PDE5A: variants seen among roughly 807,000 people sequenced by gnomAD.
PDE5A encodes cGMP-specific 3',5'-cyclic phosphodiesterase.
A neutral mutation model predicts 110.2 loss-of-function variants in PDE5A; 67 were observed. That is an observed-to-expected ratio of 0.61 (90% CI 0.50 to 0.75). The LOEUF is 0.75. Ranked by LOEUF, PDE5A falls within the 30% of genes least tolerant of loss-of-function variation. PDE5A has a pLI of 0.00. For missense variants in PDE5A, 862 were observed against 1,045.1 expected (o/e 0.82, Z 2.42); for synonymous variants, 328 against 351.2 (o/e 0.93, Z 0.74).
At chr4:119,620,643 G>C (rs1477929156) in intron 1 of PDE5A, among the ~76,000 whole-genome samples, 1 of 151,990 alleles carries the variant, frequency 6.6e-6, no homozygotes, top group Non-Finnish European at 1.5e-5. Context: ...TCTTTACTTT[G>C]TTCTATAAAA....
chr4:119,590,699 TTAATTA>T (rs1728935085), intron 3 of PDE5A, among the ~76,000 whole-genome samples: 1 of 152,204 alleles, frequency 6.6e-6, no homozygotes, highest in Non-Finnish European at 1.5e-5. Context: ...CCAAACATTT[TTAATTA>T]GTTGAAATAC....
In PDE5A at chr4:119,628,477, G is replaced by A. The variant is rs1165963386; in HGVS notation, c.152+43C>T. On this transcript the variant is annotated intron_variant, in intron 1 of 20. Transcript: ENST00000354960. Reference sequence around the variant, plus strand: ...TGAACGAAGGGCACAATTCAACAGGGGAGAGAAATCAGCCCCGGGTCTTCC... The same window carrying A: ...TGAACGAAGGGCACAATTCAACAGGAGAGAGAAATCAGCCCCGGGTCTTCC... 2.7e-6 allele frequency: 4 copies of A among 1,477,566 alleles called. No individual in the cohort carries two copies. The East Asian group carries it at 9.2e-5, about 34-fold the overall frequency. The allele number at this position is 1,477,566 out of a possible 1,614,324, so 91.5% of individuals were successfully genotyped here.
intron 3 of PDE5A, among the ~76,000 whole-genome samples, chr4:119,589,358 A>T (rs1423931742): frequency 6.6e-6 from 1 of 152,184 alleles, no homozygotes; most frequent in Non-Finnish European, 1.5e-5. Flanking sequence ...AATAAAAAAG[A>T]ACACTCATCT....
At chr4:119,601,368 C>T (rs1379524449) in intron 2 of PDE5A, among the ~76,000 whole-genome samples, 1 of 152,088 alleles carries the variant, frequency 6.6e-6, no homozygotes, top group Non-Finnish European at 1.5e-5. Flanking sequence ...TCTAGGGAAG[C>T]TTCCAGGGTG....
intron 15 of PDE5A, 42 bp from the exon 16 acceptor site, chr4:119,507,746 C>A (rs200266908): frequency 2.3e-6 from 3 of 1,300,906 alleles, no homozygotes; most frequent in Admixed American, 2.1e-5. Flanking sequence ...CCTGGAGAAG[C>A]TGCTGACAAG....
chr4:119,518,019 CA>C (rs1376142278), intron 14 of PDE5A, among the ~76,000 whole-genome samples: 5 of 152,296 alleles, frequency 3.3e-5, no homozygotes, highest in Admixed American at 3.3e-4. Flanking sequence ...CTCTGATACT[CA>C]GGCAAGAGCT....
At chr4:119,585,949 ACCT>A (rs2110525978) in intron 3 of PDE5A, among the ~76,000 whole-genome samples, 1 of 152,260 alleles carries the variant, frequency 6.6e-6, no homozygotes, top group Admixed American at 6.5e-5. Flanking sequence ...TCTCCCAAGA[ACCT>A]CTTGAAAATG....
intron 7 of PDE5A, among the ~76,000 whole-genome samples, chr4:119,554,641 T>G (rs900382263): frequency 2.6e-5 from 4 of 151,982 alleles, no homozygotes; most frequent in African/African-American, 9.7e-5. Context: ...AACCTAACAA[T>G]AGTAGACATT....
At chr4:119,572,529 A>G (rs1336619591) in intron 3 of PDE5A, among the ~76,000 whole-genome samples, 1 of 152,244 alleles carries the variant, frequency 6.6e-6, no homozygotes, top group Non-Finnish European at 1.5e-5. Context: ...TGAAACTTAT[A>G]GCCTAAGGCG....
intron 9 of PDE5A, chr4:119,548,443 T>C (rs1437286814): frequency 6.6e-6 from 1 of 152,248 alleles, no homozygotes; most frequent in Non-Finnish European, 1.5e-5. Flanking sequence ...TCTATGAGTT[T>C]TAATTTTACT....
intron 17 of PDE5A, 119 bp downstream of exon 17, chr4:119,505,736 G>T: frequency 1.6e-6 from 1 of 618,050 alleles, no homozygotes; most frequent in South Asian, 2.0e-5. Flanking sequence ...AAATCTGACC[G>T]CTTTTAAGAT....
intron 9 of PDE5A, among the ~76,000 whole-genome samples, chr4:119,547,387 T>A (rs1727170112): frequency 6.6e-6 from 1 of 151,942 alleles, no homozygotes; most frequent in Non-Finnish European, 1.5e-5. Flanking sequence ...TTGCCCATTA[T>A]CTCTTATTTC....
Position 119,525,681 on chromosome 4 carries a change from T to C in PDE5A, c.1647A>G (p.Pro549=), listed in dbSNP as rs768249732. 1 of 1,611,122 alleles carries C rather than the reference T, an allele frequency of 6.2e-7. No individual in the cohort carries two copies. Among genetic ancestry groups the C allele is most frequent in the Non-Finnish European group, 8.5e-7 (1 of 1,178,918 alleles). ...CAGTAATTTTAAGGGTCTGGGCAGA[T>C]GGCACCACAGCAGCCTTGGGTAAGG... ...ELQSLAAAVV[P]SAQTLKITDF... Residue 549 remains proline, a synonymous_variant, in exon 12 of 21, where the codon CCA becomes CCG. Transcript: ENST00000354960. This position sits in a 1 kb window ranked among gnomAD's most constrained non-coding sequence, Gnocchi z 4.3.
chr4:119,606,649 C>T lies in PDE5A; in HGVS notation c.741+60G>A, dbSNP rs1053901227. 9 of 1,217,462 alleles carry T rather than the reference C, an allele frequency of 7.4e-6. No individual in the cohort carries two copies. The African/African-American group carries it at 1.2e-4, about 16-fold the overall frequency. 75.4% of individuals were successfully genotyped at this position (1,217,462 alleles called of 1,614,324 possible). A position where few individuals can be genotyped will look rare whatever the true frequency, so the allele number is the denominator to read the frequency against. On this transcript the variant is annotated intron_variant, in intron 2 of 20. Coordinates refer to ENST00000354960, the MANE Select transcript of PDE5A (RefSeq NM_001083.4). ...GCTATCCAATGCCCCAGCCATAGTA[C>T]CCGCCCCAGCCATAGTCCCCTCCCC... is the stretch of plus-strand genomic sequence containing the variant.
chr4:119,539,336 ATTTAT>A (rs973308926), intron 10 of PDE5A, among the ~76,000 whole-genome samples: 20 of 151,712 alleles, frequency 1.3e-4, no homozygotes, highest in Non-Finnish European at 2.7e-4. Flanking sequence ...TTGGCAGAAA[ATTTAT>A]TTTGTTTTTT....
At chr4:119,519,470 CT>C (rs1379966155) in intron 13 of PDE5A, 2 of 205,502 alleles carry the variant, frequency 9.7e-6, no homozygotes, top group African/African-American at 4.6e-5. Context: ...TGTTTTTTTC[CT>C]CTTTTAATTC....
intron 3 of PDE5A, among the ~76,000 whole-genome samples, chr4:119,572,954 T>C (rs1297668524): frequency 1.3e-5 from 2 of 152,236 alleles, no homozygotes; most frequent in Admixed American, 1.3e-4. Context: ...CATTATACTG[T>C]TAAAAATACA....
At chr4:119,502,458 G>GTT (rs998092792) in intron 19 of PDE5A, 123 bp downstream of exon 19, 4 of 590,438 alleles carry the variant, frequency 6.8e-6, no homozygotes, top group East Asian at 5.8e-5. Flanking sequence ...TGAGAAAAAA[G>GTT]TTTTAAAAAA....
At chr4:119,613,014 T>C (rs1259901687) in intron 1 of PDE5A, among the ~76,000 whole-genome samples, 1 of 152,208 alleles carries the variant, frequency 6.6e-6, no homozygotes, top group Non-Finnish European at 1.5e-5. Flanking sequence ...AAGAGAATAT[T>C]AGTCAAATAA....
Sources: gnomAD v4.1 joint callset for allele counts (sites outside exome capture counted in the v4.1 genomes callset) on GRCh38, gnomAD v4.1.1 for gene constraint, Gnocchi (gnomAD v3.1) non-coding constraint, MANE v1.5 for transcripts, NCBI Gene and HGNC (gene_info 2026-07-23, HGNC 2026-07-21) for gene names.